ATRX: variants seen among roughly 807,000 people sequenced by gnomAD.
ATRX encodes chromatin remodeler ATRX.
ATRX carries 12 observed loss-of-function variants against 172.6 expected under a neutral mutation model. That is an observed-to-expected ratio of 0.07 (90% CI 0.04 to 0.11). ATRX has a LOEUF of 0.11. Ranked by LOEUF, ATRX falls within the 10% of genes least tolerant of loss-of-function variation. The probability of loss-of-function intolerance (pLI) is 1.00; values close to 1 mark genes in which losing one functional copy is unlikely to be tolerated. For missense variants in ATRX, 1,368 were observed against 1,767.4 expected, an observed-to-expected ratio of 0.77 and a Z score of 4.05; for synonymous variants, 674 against 594.7, an observed-to-expected ratio of 1.13 and a Z score of -1.94.
rs187099238 is a variant in ATRX at position 77,712,477 on chromosome X, G to C, written c.133+4654C>G. 5.8e-3 allele frequency among the ~76,000 whole-genome samples: 651 copies of C among 112,248 alleles called. 2 individuals are homozygous for C. Among genetic ancestry groups the C allele is most frequent in the African/African-American group, 0.02 (625 of 30,942 alleles). ...TACGTTTCTTTAATGCGATGATATGGTTAACAACTCTGAAACTGTGGGTAC... is the reference window on the plus strand; with the variant it reads ...TACGTTTCTTTAATGCGATGATATGCTTAACAACTCTGAAACTGTGGGTAC... On this transcript the variant is annotated intron_variant, in intron 2 of 34. Coordinates refer to ENST00000373344, the MANE Select transcript of ATRX (RefSeq NM_000489.6).
At chrX:77,644,986 G>A (rs2068838694) in intron 15 of ATRX, among the ~76,000 whole-genome samples, 1 of 111,070 alleles carries the variant, frequency 9.0e-6, no homozygotes, top group South Asian at 3.8e-4. Context: ...AAGACAAAGA[G>A]AATATTGAAA....
chrX:77,585,377 C>T (rs1252048112), intron 27 of ATRX, among the ~76,000 whole-genome samples: 1 of 107,784 alleles, frequency 9.3e-6, no homozygotes, highest in Non-Finnish European at 1.9e-5. Context: ...AGTTTGAGAC[C>T]AGCCTGGCCA....
chrX:77,653,944 C>CAT (rs1557118602), intron 14 of ATRX, among the ~76,000 whole-genome samples, 154 bp downstream of exon 14: 9 of 111,335 alleles, frequency 8.1e-5, no homozygotes, highest in Admixed American at 5.7e-4. Flanking sequence ...AATACTTTTA[C>CAT]ATATATATAT....
intron 2 of ATRX, 42 bp downstream of exon 2, chrX:77,717,089 G>A (rs2073476179): frequency 9.4e-7 from 1 of 1,066,219 alleles, no homozygotes. Context: ...AAAAAAAATA[G>A]AAAAAAGACT....
chrX:77,537,275 TA>T (rs2063780087), intron 30 of ATRX, among the ~76,000 whole-genome samples: 1 of 111,591 alleles, frequency 9.0e-6, no homozygotes, highest in Admixed American at 9.6e-5. Flanking sequence ...TTGTGGAGAT[TA>T]AATACTACAC....
chrX:77,767,597 G>A (rs921256241), intron 1 of ATRX, among the ~76,000 whole-genome samples: 1 of 110,342 alleles, frequency 9.1e-6, no homozygotes, highest in East Asian at 2.8e-4. Context: ...GTTTCACCAC[G>A]TTGGCCAGGC....
chrX:77,533,280 T>C (rs1396982451), intron 30 of ATRX, among the ~76,000 whole-genome samples: 6 of 112,435 alleles, frequency 5.3e-5, no homozygotes, highest in African/African-American at 1.9e-4. Context: ...ACTGGGTATA[T>C]ACCCAAAGGA....
At chrX:77,777,119 C>G (rs1557202740) in intron 1 of ATRX, among the ~76,000 whole-genome samples, 1 of 97,237 alleles carries the variant, frequency 1.0e-5, no homozygotes, top group Admixed American at 1.2e-4. Context: ...TTTGGGAGGC[C>G]AAGGCAGGCG....
At chrX:77,689,787 T>A (rs2071785140) in intron 6 of ATRX, among the ~76,000 whole-genome samples, 1 of 111,974 alleles carries the variant, frequency 8.9e-6, no homozygotes, top group East Asian at 2.8e-4. Flanking sequence ...AACCACTGAA[T>A]TAAAATCTCT....
At chrX:77,761,525 A>C (rs1236939562) in intron 1 of ATRX, among the ~76,000 whole-genome samples, 2 of 111,438 alleles carry the variant, frequency 1.8e-5, no homozygotes, top group African/African-American at 6.5e-5. Flanking sequence ...CAACAGCGAG[A>C]GACCCTGTCT....
In ATRX at chrX:77,583,133, C is replaced by T. The variant is rs782164991; in HGVS notation, c.6217+6701G>A. 3.6e-5 allele frequency among the ~76,000 whole-genome samples: 4 copies of T among 111,605 alleles called. No homozygotes were observed. The South Asian group carries it at 1.5e-3, about 42-fold the overall frequency. Reference sequence around the variant, plus strand: ...CGGAATTCAATAATAAAATGATCATCCATCATGACCAACTGGGGCTTATCT... The same window carrying T: ...CGGAATTCAATAATAAAATGATCATTCATCATGACCAACTGGGGCTTATCT... On this transcript the variant is annotated intron_variant, in intron 27 of 34. Transcript: ENST00000373344.
At chrX:77,596,492 C>T (rs1212102817) in intron 25 of ATRX, 4 of 110,640 alleles carry the variant, frequency 3.6e-5, no homozygotes, top group African/African-American at 9.8e-5. Context: ...ATACTATACA[C>T]GTATATAAGC....
At chrX:77,627,729 T>C (rs1417625579) in intron 19 of ATRX, among the ~76,000 whole-genome samples, 9 of 106,816 alleles carry the variant, frequency 8.4e-5, no homozygotes, top group African/African-American at 2.4e-4. Context: ...TAGTTGGGCA[T>C]GGCGGCACAC....
chrX:77,630,539 C>T (rs1448465846), intron 19 of ATRX, among the ~76,000 whole-genome samples: 1 of 112,045 alleles, frequency 8.9e-6, no homozygotes, highest in African/African-American at 3.2e-5. Context: ...TAAGGACAGA[C>T]ATATAGATCA....
chrX:77,715,036 G>A (rs1557163898), intron 2 of ATRX, among the ~76,000 whole-genome samples: 2 of 111,452 alleles, frequency 1.8e-5, no homozygotes, highest in African/African-American at 6.5e-5. Flanking sequence ...ATTTCCTCTA[G>A]TGTAGTTATT....
chrX:77,623,445 G>A (rs892177376), intron 19 of ATRX, among the ~76,000 whole-genome samples: 5 of 111,267 alleles, frequency 4.5e-5, no homozygotes, highest in African/African-American at 1.6e-4. Flanking sequence ...AAAAGTCCAG[G>A]ACCAGACCAA....
intron 34 of ATRX, among the ~76,000 whole-genome samples, chrX:77,520,209 G>A (rs1053234974): frequency 2.7e-5 from 3 of 111,377 alleles, no homozygotes; most frequent in Non-Finnish European, 5.7e-5. Context: ...AGGTACAAAA[G>A]TATAGTTAGA....
At chrX:77,780,283 A>G (rs1485316141) in intron 1 of ATRX, among the ~76,000 whole-genome samples, 1 of 111,376 alleles carries the variant, frequency 9.0e-6, no homozygotes, top group African/African-American at 3.3e-5. Context: ...CAAAAGGCAG[A>G]TAAGAGAAAA....
At chrX:77,580,368 T>G (rs1225705914) in intron 27 of ATRX, among the ~76,000 whole-genome samples, 1 of 111,484 alleles carries the variant, frequency 9.0e-6, no homozygotes, top group Non-Finnish European at 1.9e-5. Flanking sequence ...AGGCACTTAA[T>G]AACTCCCAAA....
Sources: gnomAD v4.1 joint callset for allele counts (sites outside exome capture counted in the v4.1 genomes callset) on GRCh38, gnomAD v4.1.1 for gene constraint, MANE v1.5 for transcripts, NCBI Gene and HGNC (gene_info 2026-07-23, HGNC 2026-07-21) for gene names.